Variants in LRRC63 observed in about 807,000 individuals in gnomAD.
LRRC63 encodes leucine-rich repeat-containing protein 63.
A neutral mutation model predicts 49.5 loss-of-function variants in LRRC63; 40 were observed. The observed-to-expected ratio is 0.81, with a 90% CI of 0.63 to 1.05. The LOEUF (loss-of-function observed/expected upper bound fraction) is 1.05. LRRC63 is among the 50% of genes least tolerant of loss of function. The pLI, the probability that LRRC63 is intolerant of heterozygous loss-of-function variation, is 0.00. For missense variants in LRRC63, 636 were observed against 663.1 expected (o/e 0.96, Z 0.45); for synonymous variants, 191 against 221.1 (o/e 0.86, Z 1.21).
chr13:46,219,292 G>A (rs575745682), intron 2 of LRRC63, among the ~76,000 whole-genome samples: 87 of 152,264 alleles, frequency 5.7e-4, no homozygotes, highest in Admixed American at 9.2e-4. Flanking sequence ...TGGAGGCTTT[G>A]TTCGTTCCTT....
chr13:46,231,615 T>G (rs910462798), intron 4 of LRRC63, among the ~76,000 whole-genome samples: 1 of 152,038 alleles, frequency 6.6e-6, no homozygotes, highest in Non-Finnish European at 1.5e-5. Flanking sequence ...GTTCAAGTGA[T>G]TCTCCTGCCT....
intron 9 of LRRC63, among the ~76,000 whole-genome samples, chr13:46,269,906 C>CATATGTATAT (rs2047732974): frequency 6.9e-6 from 1 of 145,622 alleles, no homozygotes; most frequent in Non-Finnish European, 1.5e-5. Context: ...ACACTATATA[C>CATATGTATAT]ATATATATAT....
At chr13:46,230,554 A>C (rs1277897177) in intron 4 of LRRC63, among the ~76,000 whole-genome samples, 2 of 152,206 alleles carry the variant, frequency 1.3e-5, no homozygotes, top group African/African-American at 4.8e-5. Context: ...TGTAGGTCCA[A>C]GAGCCCAAAA....
exon 10 of LRRC63, chr13:46,276,870 A>G (rs899740578): frequency 7.1e-6 from 1 of 141,226 alleles, no homozygotes; most frequent in East Asian, 1.8e-4. Flanking sequence ...ATATATATTT[A>G]TATATATATA....
At chr13:46,271,855 C>A (rs1016286268) in intron 9 of LRRC63, among the ~76,000 whole-genome samples, 2 of 151,754 alleles carry the variant, frequency 1.3e-5, no homozygotes, top group African/African-American at 2.4e-5. Flanking sequence ...TTTCAATATC[C>A]CTGTTTTTAA....
chr13:46,244,666 C>G (rs2047162753), intron 5 of LRRC63, among the ~76,000 whole-genome samples: 1 of 152,000 alleles, frequency 6.6e-6, no homozygotes, highest in African/African-American at 2.4e-5. Context: ...TCTAGCTACT[C>G]AGGAGGCTGA....
At chr13:46,271,332 C>T (rs2047755830) in intron 9 of LRRC63, among the ~76,000 whole-genome samples, 1 of 152,156 alleles carries the variant, frequency 6.6e-6, no homozygotes, top group Admixed American at 6.5e-5. Flanking sequence ...GCCTTTCTTA[C>T]CCAATCTGCT....
At chr13:46,261,238 C>T (rs927397298) in intron 7 of LRRC63, among the ~76,000 whole-genome samples, 5 of 152,148 alleles carry the variant, frequency 3.3e-5, no homozygotes, top group Non-Finnish European at 1.5e-5. Context: ...TGAATAGCAT[C>T]CCTCGGAAAT....
Position 46,250,442 on chromosome 13 carries a change from C to CTTAGAATT in LRRC63, c.1180_1187dup (p.Phe396LeufsTer10). On this transcript the variant is annotated frameshift_variant, in exon 7 of 10. Coordinates refer to ENST00000595396, the Ensembl canonical transcript of LRRC63. LOFTEE classifies it high-confidence loss of function. Reference sequence around the variant, plus strand: ...TTCTGAAATTCAACAACTTGAGTTCCTTAGAATTTTCACCATTGCTTTTAA... The same window carrying CTTAGAATT: ...TTCTGAAATTCAACAACTTGAGTTCCTTAGAATTTTAGAATTTTCACCATTGCTTTTAA... 1.3e-6 allele frequency: 2 copies of CTTAGAATT among 1,536,430 alleles called. No homozygotes were observed. Among genetic ancestry groups the CTTAGAATT allele is most frequent in the Non-Finnish European group, 1.8e-6 (2 of 1,136,174 alleles).
intron 1 of LRRC63, among the ~76,000 whole-genome samples, chr13:46,212,567 T>C (rs2046123028): frequency 6.6e-6 from 1 of 152,236 alleles, no homozygotes; most frequent in Admixed American, 6.5e-5. Flanking sequence ...CAGAGGCTTA[T>C]CTAATGAAGG....
intron 3 of LRRC63, 61 bp downstream of exon 3, chr13:46,228,250 C>A: frequency 7.7e-7 from 1 of 1,296,080 alleles, no homozygotes; most frequent in Non-Finnish European, 1.0e-6. Context: ...GGAGAGAAGG[C>A]ATGCAAGCTA....
At chr13:46,270,632 T>G (rs754957636) in intron 9 of LRRC63, 4 of 817,832 alleles carry the variant, frequency 4.9e-6, no homozygotes, top group Non-Finnish European at 8.5e-6. Context: ...AGGACTGACA[T>G]GGAGCAAAAA....
intron 2 of LRRC63, among the ~76,000 whole-genome samples, chr13:46,223,940 T>C (rs2046492739): frequency 6.6e-6 from 1 of 152,202 alleles, no homozygotes; most frequent in African/African-American, 2.4e-5. Context: ...GGGGTTTCTT[T>C]ATTGGTGACC....
intron 5 of LRRC63, among the ~76,000 whole-genome samples, chr13:46,236,601 A>G (rs565315832): frequency 1.3e-5 from 2 of 152,278 alleles, no homozygotes; most frequent in East Asian, 3.9e-4. Context: ...CAAAGGAGTA[A>G]TTAAGACATT....
intron 9 of LRRC63, among the ~76,000 whole-genome samples, chr13:46,273,329 C>T (rs1250317687): frequency 1.3e-5 from 2 of 152,046 alleles, no homozygotes; most frequent in Non-Finnish European, 2.9e-5. Flanking sequence ...GTGGACCGGG[C>T]GCGGTGGCTC....
At chr13:46,261,391 G>A (rs979323650) in intron 7 of LRRC63, among the ~76,000 whole-genome samples, 9 of 152,222 alleles carry the variant, frequency 5.9e-5, no homozygotes, top group African/African-American at 2.2e-4. Context: ...CTATAAGAAA[G>A]GCATGTGAAG....
chr13:46,268,689 T>C (rs2047714138), intron 9 of LRRC63, among the ~76,000 whole-genome samples: 2 of 151,542 alleles, frequency 1.3e-5, no homozygotes, highest in South Asian at 4.1e-4. Context: ...TTACTCACAA[T>C]AAATTTTCAC....
At chr13:46,221,833 T>C (rs1420017878) in intron 2 of LRRC63, among the ~76,000 whole-genome samples, 1 of 152,156 alleles carries the variant, frequency 6.6e-6, no homozygotes, top group Non-Finnish European at 1.5e-5. Context: ...CCAGAACCCA[T>C]CTCAGGCCTT....
intron 9 of LRRC63, among the ~76,000 whole-genome samples, chr13:46,270,798 TCC>T (rs1201875144): frequency 2.6e-5 from 4 of 152,150 alleles, no homozygotes; most frequent in Non-Finnish European, 5.9e-5. Context: ...GAGCCTTGGT[TCC>T]CATTTGTCTT....
Sources: allele counts gnomAD v4.1 joint callset (sites outside exome capture counted in the v4.1 genomes callset), GRCh38; gene constraint gnomAD v4.1.1; transcripts MANE v1.5; gene names NCBI Gene and HGNC (gene_info 2026-07-23, HGNC 2026-07-21).